The following CTNND2 variants were observed in gnomAD, a reference collection of about 807,000 sequenced individuals.
CTNND2 encodes catenin delta 2.
CTNND2 carries 22 observed loss-of-function variants against 144.4 expected under a neutral mutation model. That is an observed-to-expected ratio of 0.15 (90% CI 0.11 to 0.22). CTNND2 has a LOEUF of 0.22. Ranked by LOEUF, CTNND2 falls within the 10% of genes least tolerant of loss-of-function variation. The pLI, the probability that CTNND2 is intolerant of heterozygous loss-of-function variation, is 1.00. For synonymous variants in CTNND2, 751 were observed against 695.6 expected (o/e 1.08, Z -1.25); for missense variants, 1,353 against 1,618.8 (o/e 0.84, Z 2.82).
At chr5:11,798,996 A>T (rs1791543410) in intron 1 of CTNND2, among the ~76,000 whole-genome samples, 1 of 152,104 alleles carries the variant, frequency 6.6e-6, no homozygotes, top group South Asian at 2.1e-4. Context: ...CATGTACAAG[A>T]GTGCTATCTC....
Position 10,992,547 on chromosome 5 carries a change from T to C in CTNND2, c.3211+4A>G, listed in dbSNP as rs199528078. 10 of 1,613,902 alleles carry C rather than the reference T, an allele frequency of 6.2e-6. No individual in the cohort carries two copies. The East Asian group carries it at 2.0e-4, about 32-fold the overall frequency. On this transcript the variant is annotated splice_donor_region_variant and intron_variant, in intron 19 of 21. Coordinates refer to ENST00000304623, the MANE Select transcript of CTNND2 (RefSeq NM_001332.4). ...CTGGCTGGCTAGCCACGGCAGCCTC[T>C]TACCTGAGCGGTTGTTGGGAGACAC...
intron 20 of CTNND2, 126 bp from the exon 21 acceptor site, chr5:10,981,972 A>G: frequency 1.4e-6 from 1 of 718,604 alleles, no homozygotes; most frequent in Non-Finnish European, 2.4e-6. Flanking sequence ...CAAGTAGAAG[A>G]CATTCTTTGG....
At chr5:11,201,338 C>T (rs559069305) in intron 10 of CTNND2, among the ~76,000 whole-genome samples, 5 of 152,236 alleles carry the variant, frequency 3.3e-5, no homozygotes, top group Non-Finnish European at 5.9e-5. Flanking sequence ...CTCAGCTTTG[C>T]TAAAATAGTG....
At chr5:11,232,027 T>C (rs1020974852) in intron 10 of CTNND2, among the ~76,000 whole-genome samples, 1 of 152,224 alleles carries the variant, frequency 6.6e-6, no homozygotes, top group African/African-American at 2.4e-5. Context: ...CCTTGGTGGC[T>C]TCCATGTTGT....
chr5:11,895,145 G>A (rs1489577595), intron 1 of CTNND2, among the ~76,000 whole-genome samples: 2 of 152,120 alleles, frequency 1.3e-5, no homozygotes, highest in African/African-American at 4.8e-5. Context: ...ACACAGTCAA[G>A]TGCCAGAACC....
In CTNND2 at chr5:11,625,024, A is replaced by G. The variant is rs184564019; in HGVS notation, c.175-59968T>C. 5.3e-5 allele frequency among the ~76,000 whole-genome samples: 8 copies of G among 152,274 alleles called. No homozygotes were observed. In the East Asian group the frequency reaches 1.5e-3, roughly 29 times the overall value. On this transcript the variant is annotated intron_variant, in intron 2 of 21. Transcript: ENST00000304623. Reference sequence around the variant, plus strand: ...CAAAAAAAAACAAAGTATTTTTGAAAAACTAAACACCCTTCAACAATATGC... The same window carrying G: ...CAAAAAAAAACAAAGTATTTTTGAAGAACTAAACACCCTTCAACAATATGC...
chr5:11,712,812 A>C (rs1179252506), intron 2 of CTNND2, among the ~76,000 whole-genome samples: 1 of 152,230 alleles, frequency 6.6e-6, no homozygotes, highest in Non-Finnish European at 1.5e-5. Context: ...ATGAGTTTAA[A>C]ATAGAATCAA....
intron 20 of CTNND2, chr5:10,986,723 A>G (rs1241232379): frequency 4.4e-6 from 2 of 454,736 alleles, no homozygotes; most frequent in African/African-American, 2.0e-5. Flanking sequence ...GGGTCTGCAC[A>G]TGGAGGCAGA....
intron 2 of CTNND2, among the ~76,000 whole-genome samples, chr5:11,701,383 C>T (rs764038529): frequency 2.0e-5 from 3 of 152,116 alleles, no homozygotes; most frequent in Non-Finnish European, 4.4e-5. Flanking sequence ...TAAGTAAATC[C>T]AAAGTGAACT....
intron 3 of CTNND2, among the ~76,000 whole-genome samples, chr5:11,457,016 T>C (rs1018849521): frequency 1.3e-5 from 2 of 152,246 alleles, no homozygotes; most frequent in African/African-American, 4.8e-5. Context: ...TAAAAACTTG[T>C]AATAGCCACT....
chr5:11,761,007 T>C (rs555609273), intron 1 of CTNND2, among the ~76,000 whole-genome samples: 1 of 152,290 alleles, frequency 6.6e-6, no homozygotes, highest in South Asian at 2.1e-4. Flanking sequence ...TTGCCTGGAA[T>C]CATTTACTTG....
At chr5:11,529,949 A>C (rs1408228225) in intron 3 of CTNND2, among the ~76,000 whole-genome samples, 1 of 151,778 alleles carries the variant, frequency 6.6e-6, no homozygotes, top group Non-Finnish European at 1.5e-5. Context: ...TTATCTTGAA[A>C]ATTACATATT....
intron 16 of CTNND2, among the ~76,000 whole-genome samples, chr5:11,051,111 T>G (rs907143256): frequency 1.3e-5 from 2 of 152,348 alleles, no homozygotes; most frequent in Non-Finnish European, 2.9e-5. Context: ...AAAAGCGCAT[T>G]CATTCTTAGT....
chr5:11,068,988 T>C (rs965952085), intron 16 of CTNND2, among the ~76,000 whole-genome samples: 1 of 152,168 alleles, frequency 6.6e-6, no homozygotes, highest in Non-Finnish European at 1.5e-5. Flanking sequence ...GGGGTTATAG[T>C]AGCAAAGAAG....
At chr5:11,715,697 T>C (rs1483337710) in intron 2 of CTNND2, among the ~76,000 whole-genome samples, 1 of 152,158 alleles carries the variant, frequency 6.6e-6, no homozygotes, top group African/African-American at 2.4e-5. Flanking sequence ...AAGATAGAAA[T>C]GGAAATGTTA....
At chr5:11,058,590 A>G (rs776686708) in intron 16 of CTNND2, among the ~76,000 whole-genome samples, 1 of 152,192 alleles carries the variant, frequency 6.6e-6, no homozygotes, top group Non-Finnish European at 1.5e-5. Flanking sequence ...TGCGAAGGGA[A>G]ATGTGGGATG....
intron 14 of CTNND2, among the ~76,000 whole-genome samples, chr5:11,109,830 T>C (rs1407457422): frequency 6.9e-6 from 1 of 144,498 alleles, no homozygotes. Flanking sequence ...CTCTTGGATC[T>C]TACTCTGCTT....
At chr5:11,717,776 G>A (rs1409877632) in intron 2 of CTNND2, among the ~76,000 whole-genome samples, 4 of 152,168 alleles carry the variant, frequency 2.6e-5, no homozygotes, top group East Asian at 3.9e-4. Context: ...CAGATCTCAT[G>A]AGACTTATTT....
At chr5:11,451,833 T>C (rs972327666) in intron 3 of CTNND2, among the ~76,000 whole-genome samples, 4 of 152,204 alleles carry the variant, frequency 2.6e-5, no homozygotes, top group Non-Finnish European at 5.9e-5. Context: ...GAACAACACA[T>C]GCGAATAACA....
Sources: allele counts gnomAD v4.1 joint callset (sites outside exome capture counted in the v4.1 genomes callset), GRCh38; gene constraint gnomAD v4.1.1; transcripts MANE v1.5; gene names NCBI Gene and HGNC (gene_info 2026-07-23, HGNC 2026-07-21).